The following PCDH11X variants were observed in gnomAD, a reference collection of about 807,000 sequenced individuals.
PCDH11X encodes the protein protocadherin-11 X-linked.
In PCDH11X, 18 loss-of-function variants were observed where a neutral mutation model predicts 53.3. The ratio of observed to expected loss-of-function variants is 0.34; its 90% CI spans 0.23 to 0.50. The LOEUF (loss-of-function observed/expected upper bound fraction) is 0.50. Among genes scored for constraint, PCDH11X ranks in the 20% least tolerant of loss-of-function variants. The pLI is 0.98. For synonymous variants in PCDH11X, 279 were observed against 393.3 expected (o/e 0.71, Z 3.44); for missense variants, 570 against 1,032.4 (o/e 0.55, Z 6.14).
At chrX:91,994,333 A>C (rs1731871663) in intron 6 of PCDH11X, among the ~76,000 whole-genome samples, 1 of 109,600 alleles carries the variant, frequency 9.1e-6, no homozygotes, top group African/African-American at 3.3e-5. Flanking sequence ...AGCCCTTGGT[A>C]ATGACCATTC....
intron 6 of PCDH11X, among the ~76,000 whole-genome samples, chrX:92,076,044 C>T (rs900522856): frequency 9.1e-6 from 1 of 110,297 alleles, no homozygotes; most frequent in African/African-American, 3.3e-5. Flanking sequence ...TATAGTAAGA[C>T]TTCGGTAAAA....
intron 10 of PCDH11X, among the ~76,000 whole-genome samples, chrX:92,495,069 A>G (rs1355922609): frequency 9.7e-6 from 1 of 102,700 alleles, no homozygotes; most frequent in Non-Finnish European, 2.0e-5. Context: ...TTTCCTCTGT[A>G]TGGCATACCA....
At chrX:91,833,200 T>C (rs1937174072) in intron 4 of PCDH11X, among the ~76,000 whole-genome samples, 1 of 108,538 alleles carries the variant, frequency 9.2e-6, no homozygotes, top group Non-Finnish European at 1.9e-5. Flanking sequence ...TAATTCCAAT[T>C]GTCACTGCCC....
At chrX:92,084,721 T>C (rs1007822282) in intron 6 of PCDH11X, among the ~76,000 whole-genome samples, 34 of 111,319 alleles carry the variant, frequency 3.1e-4, no homozygotes, top group African/African-American at 1.1e-3. Context: ...TTGGTTGGAC[T>C]ACCAGTGTTA....
At position 92,538,607 on chromosome X, in the gene PCDH11X, C is replaced by A. The variant is rs1158222811; in HGVS notation, c.3367+70285C>A. On this transcript the variant is annotated intron_variant, in intron 10 of 10. Transcript: ENST00000682573. ...ATAACCCATTATTTTAAACTGATGA[C>A]AACATAGCAAAGATTGCATAAACAA... Among the ~76,000 whole-genome samples the A allele has an allele frequency of 8.0e-5, 8 of 100,426 alleles. No individual in the cohort carries two copies. In the East Asian group the frequency reaches 2.1e-3, roughly 26 times the overall value. 87.2% of individuals were successfully genotyped at this position (100,426 alleles called of 115,157 possible).
chrX:91,925,048 C>G lies in PCDH11X; in HGVS notation c.3033+45775C>G, dbSNP rs761098575. Among the ~76,000 whole-genome samples the G allele has an allele frequency of 2.7e-5, 3 of 109,678 alleles. No individual in the cohort carries two copies. In the South Asian group the frequency reaches 1.2e-3, roughly 43 times the overall value. On this transcript the variant is annotated intron_variant, in intron 6 of 10. Transcript: ENST00000682573. ...AGAAACTACCAATATTAAGAATCAA[C>G]TAGGCAAACATTATAAACATAAATA...
At chrX:92,302,654 C>G (rs1312726537) in intron 8 of PCDH11X, among the ~76,000 whole-genome samples, 1 of 109,591 alleles carries the variant, frequency 9.1e-6, no homozygotes, top group Non-Finnish European at 1.9e-5. Context: ...GTATGTCACA[C>G]TGGGAAATTT....
chrX:91,865,644 A>G (rs946133824), intron 5 of PCDH11X, among the ~76,000 whole-genome samples: 3 of 111,886 alleles, frequency 2.7e-5, no homozygotes, highest in African/African-American at 9.8e-5. Flanking sequence ...GTGAGGGACT[A>G]CAGTCAAAAA....
At chrX:91,905,194 A>T (rs1378235286) in intron 6 of PCDH11X, among the ~76,000 whole-genome samples, 3 of 107,488 alleles carry the variant, frequency 2.8e-5, no homozygotes, top group African/African-American at 1.0e-4. Flanking sequence ...CACTAGTGCA[A>T]TCTCGGCTCA....
chrX:92,118,017 A>G (rs35262602), intron 6 of PCDH11X, among the ~76,000 whole-genome samples: 94 of 112,094 alleles, frequency 8.4e-4, no homozygotes, highest in African/African-American at 2.9e-3. Flanking sequence ...GAGCCGGGCT[A>G]TATAAATGTC....
intron 4 of PCDH11X, among the ~76,000 whole-genome samples, chrX:91,823,018 A>T (rs1367820289): frequency 9.2e-6 from 1 of 109,170 alleles, no homozygotes; most frequent in Non-Finnish European, 1.9e-5. Context: ...TTCTAGTTTG[A>T]TTGCACTGTG....
At chrX:91,978,502 T>C (rs1336549906) in intron 6 of PCDH11X, among the ~76,000 whole-genome samples, 4 of 109,205 alleles carry the variant, frequency 3.7e-5, no homozygotes, top group African/African-American at 6.7e-5. Context: ...GTGATAAGCA[T>C]GGTTAGATCA....
At chrX:92,466,855 C>T (rs921046154) in intron 9 of PCDH11X, among the ~76,000 whole-genome samples, 1 of 109,544 alleles carries the variant, frequency 9.1e-6, no homozygotes, top group Admixed American at 9.8e-5. Flanking sequence ...CTAGACAACA[C>T]TGAAATTGCA....
intron 8 of PCDH11X, among the ~76,000 whole-genome samples, chrX:92,319,712 G>C (rs1413174723): frequency 9.0e-6 from 1 of 110,964 alleles, no homozygotes; most frequent in African/African-American, 3.3e-5. Context: ...ACTCAGATAG[G>C]ATTATCAGGA....
intron 7 of PCDH11X, among the ~76,000 whole-genome samples, chrX:92,229,112 T>C (rs1444961564): frequency 3.6e-5 from 4 of 111,803 alleles, no homozygotes; most frequent in African/African-American, 9.7e-5. Context: ...GTGAGAATGA[T>C]GTGGTCTACA....
At chrX:92,534,875 G>T (rs948537997) in intron 10 of PCDH11X, among the ~76,000 whole-genome samples, 4 of 111,600 alleles carry the variant, frequency 3.6e-5, no homozygotes, top group African/African-American at 1.3e-4. Flanking sequence ...TCACCACCAG[G>T]CCTGCCTTAC....
intron 8 of PCDH11X, among the ~76,000 whole-genome samples, chrX:92,276,095 T>C (rs1010159905): frequency 9.1e-6 from 1 of 109,565 alleles, no homozygotes. Context: ...AAAAGAGTAT[T>C]GTCTCAGTTG....
At chrX:92,080,666 G>A (rs1222073444) in intron 6 of PCDH11X, among the ~76,000 whole-genome samples, 1 of 108,042 alleles carries the variant, frequency 9.3e-6, no homozygotes, top group Non-Finnish European at 1.9e-5. Flanking sequence ...ACCCATGTAA[G>A]ACAGATAAAC....
intron 6 of PCDH11X, among the ~76,000 whole-genome samples, chrX:92,156,820 A>T (rs1379686747): frequency 7.1e-5 from 8 of 111,981 alleles, no homozygotes; most frequent in Admixed American, 9.5e-5. Context: ...GGATGGTTAA[A>T]ATCACATACA....
Sources: allele counts gnomAD v4.1 joint callset (sites outside exome capture counted in the v4.1 genomes callset), GRCh38; gene constraint gnomAD v4.1.1; transcripts MANE v1.5; gene names NCBI Gene and HGNC (gene_info 2026-07-23, HGNC 2026-07-21).